The following NEK7 variants were observed in gnomAD, a reference collection of about 807,000 sequenced individuals.
The protein encoded by NEK7 is NIMA related kinase 7, also known as serine/threonine-protein kinase Nek7.
Under a neutral mutation model 44.6 loss-of-function variants are expected in NEK7, and 18 were observed. The observed-to-expected ratio is 0.40, with a 90% confidence interval of 0.28 to 0.60. NEK7 has a LOEUF of 0.60. NEK7 is among the 20% of genes least tolerant of loss of function. NEK7 has a pLI of 0.38. For missense variants in NEK7, 256 were observed against 366.5 expected, an observed-to-expected ratio of 0.70 and a Z score of 2.46; for synonymous variants, 130 against 121.1, an observed-to-expected ratio of 1.07 and a Z score of -0.48.
rs534962229 is a variant in NEK7, at chr1:198,267,761, GT to G, written c.372+3527del. The stretch of plus-strand genomic sequence containing the variant: ...TCCAGCCTGTGTGTTGCTATTTTAA[GT>G]AAGATGATCTCAGAAGACCCTCTTA... On this transcript the variant is annotated intron_variant, in intron 5 of 9. Coordinates refer to ENST00000367385, the MANE Select transcript of NEK7 (RefSeq NM_133494.3). Among the ~76,000 whole-genome samples the G allele has an allele frequency of 4.6e-5, 7 of 152,074 alleles. No homozygotes were observed. In the South Asian group the frequency reaches 1.5e-3, roughly 32 times the overall value.
At chr1:198,313,578 C>A (rs999131995) in intron 9 of NEK7, among the ~76,000 whole-genome samples, 4 of 135,710 alleles carry the variant, frequency 2.9e-5, no homozygotes, top group African/African-American at 1.2e-4. Context: ...TGGCTGGTAC[C>A]GGTTGTTCCT....
At chr1:198,204,611 C>T (rs1392271355) in intron 1 of NEK7, among the ~76,000 whole-genome samples, 1 of 148,560 alleles carries the variant, frequency 6.7e-6, no homozygotes, top group Non-Finnish European at 1.5e-5. Flanking sequence ...CCCAGCTACT[C>T]GGGAGGCTGA....
At chr1:198,234,610 A>G (rs1486860945) in intron 2 of NEK7, among the ~76,000 whole-genome samples, 1 of 152,216 alleles carries the variant, frequency 6.6e-6, no homozygotes, top group Non-Finnish European at 1.5e-5. Flanking sequence ...TCGGAGTGGC[A>G]GTAGGAAGGA....
At chr1:198,233,296 A>C (rs1666453771) in intron 2 of NEK7, among the ~76,000 whole-genome samples, 1 of 152,192 alleles carries the variant, frequency 6.6e-6, no homozygotes, top group East Asian at 1.9e-4. Context: ...GAAATAAAAA[A>C]ATCTTTTAGT....
intron 2 of NEK7, among the ~76,000 whole-genome samples, chr1:198,251,270 C>T (rs1007229054): frequency 2.1e-4 from 32 of 151,720 alleles, no homozygotes; most frequent in Non-Finnish European, 2.4e-4. Context: ...CTGCTGGATT[C>T]GGTTTGTCAG....
chr1:198,228,836 T>C (rs1254049011), intron 1 of NEK7, among the ~76,000 whole-genome samples: 1 of 152,168 alleles, frequency 6.6e-6, no homozygotes, highest in African/African-American at 2.4e-5. Context: ...GACTTCCTCT[T>C]TTCCTAATTA....
intron 1 of NEK7, among the ~76,000 whole-genome samples, chr1:198,210,791 C>CA (rs1558057889): frequency 1.8e-5 from 2 of 112,306 alleles, no homozygotes; most frequent in African/African-American, 6.7e-5. Flanking sequence ...CTCGCTCTGT[C>CA]GCCCAGGCTG....
intron 3 of NEK7, among the ~76,000 whole-genome samples, chr1:198,253,919 A>G (rs1240169746): frequency 6.6e-6 from 1 of 152,152 alleles, no homozygotes; most frequent in Non-Finnish European, 1.5e-5. Context: ...TCCAGTGTGT[A>G]TGACATCAAA....
At chr1:198,317,878 T>TTTTTGG (rs1553258410) in intron 9 of NEK7, among the ~76,000 whole-genome samples, 1 of 47,892 alleles carries the variant, frequency 2.1e-5, no homozygotes, top group African/African-American at 6.6e-5. Flanking sequence ...GATATATTTA[T>TTTTTGG]TTTTTTTTTT....
At chr1:198,317,132 A>G (rs1655393957) in intron 9 of NEK7, among the ~76,000 whole-genome samples, 1 of 152,244 alleles carries the variant, frequency 6.6e-6, no homozygotes, top group African/African-American at 2.4e-5. Context: ...TAAAGTATGC[A>G]TATTCTGTAT....
chr1:198,247,550 T>C (rs1666868333), intron 2 of NEK7, among the ~76,000 whole-genome samples: 1 of 152,230 alleles, frequency 6.6e-6, no homozygotes, highest in Non-Finnish European at 1.5e-5. Context: ...GTAGTAATTA[T>C]AAGAATTATC....
intron 5 of NEK7, among the ~76,000 whole-genome samples, chr1:198,271,845 T>C (rs1653853768): frequency 6.7e-6 from 1 of 149,986 alleles, no homozygotes. Context: ...TAGCACTATC[T>C]GAAAAAACTA....
rs1655479627 is a variant in NEK7 at position 198,319,585 on chromosome 1, C to T, written c.*63C>T. On this transcript the variant is annotated 3_prime_UTR_variant, in exon 10 of 10. Coordinates refer to ENST00000367385, the MANE Select transcript of NEK7 (RefSeq NM_133494.3). ...AAAGTATTTTGTGCAAGTCATACCT[C>T]CCCATTTATGTCTGGTGTTAAGATT... is the stretch of plus-strand genomic sequence containing the variant. 3 of 1,476,360 alleles carry T rather than the reference C, an allele frequency of 2.0e-6. No individual in the cohort carries two copies. The highest frequency in any genetic ancestry group is 2.7e-6 in the Non-Finnish European group (3 of 1,109,374). 91.5% of individuals were successfully genotyped at this position (1,476,360 alleles called of 1,614,324 possible). A position where few individuals can be genotyped will look rare whatever the true frequency, so the allele number is the denominator to read the frequency against.
At chr1:198,219,476 TCTTA>T (rs1009966733) in intron 1 of NEK7, among the ~76,000 whole-genome samples, 4 of 151,762 alleles carry the variant, frequency 2.6e-5, no homozygotes, top group Admixed American at 6.6e-5. Context: ...TACTGCATGT[TCTTA>T]CTTATAATTG....
At chr1:198,264,358 T>TC (rs1653579923) in intron 5 of NEK7, 123 bp downstream of exon 5, 3 of 654,938 alleles carry the variant, frequency 4.6e-6, no homozygotes, top group African/African-American at 3.8e-5. Flanking sequence ...GCTTATCTGA[T>TC]AGATATGTAA....
intron 7 of NEK7, among the ~76,000 whole-genome samples, chr1:198,286,476 T>C (rs1386683439): frequency 1.3e-5 from 2 of 151,914 alleles, no homozygotes; most frequent in Admixed American, 1.3e-4. Context: ...TCGGTCCTTA[T>C]GTAATTCTTG....
At chr1:198,283,334 TCTGC>T (rs1654269404) in intron 7 of NEK7, among the ~76,000 whole-genome samples, 1 of 151,974 alleles carries the variant, frequency 6.6e-6, no homozygotes, top group African/African-American at 2.4e-5. Context: ...GTCCTGCGAG[TCTGC>T]ATCTTTTCCT....
At chr1:198,292,050 T>A (rs1254029065) in intron 7 of NEK7, among the ~76,000 whole-genome samples, 1 of 152,062 alleles carries the variant, frequency 6.6e-6, no homozygotes, top group African/African-American at 2.4e-5. Context: ...TAAATAAGAT[T>A]CTAAATATTC....
chr1:198,301,869 T>G (rs571552991), intron 9 of NEK7, among the ~76,000 whole-genome samples: 54 of 152,360 alleles, frequency 3.5e-4, no homozygotes, highest in South Asian at 2.1e-4. Flanking sequence ...GGCAGATGTT[T>G]ATTTAGTAAT....
Sources: gnomAD v4.1 joint callset for allele counts (sites outside exome capture counted in the v4.1 genomes callset) on GRCh38, gnomAD v4.1.1 for gene constraint, MANE v1.5 for transcripts, NCBI Gene and HGNC (gene_info 2026-07-23, HGNC 2026-07-21) for gene names.